SPATA1: variants seen among roughly 807,000 people sequenced by gnomAD.
The protein encoded by SPATA1 is spermatogenesis associated 1, also known as spermatogenesis-associated protein 1.
Under a neutral mutation model 59.6 loss-of-function variants are expected in SPATA1, and 57 were observed. The ratio of observed to expected loss-of-function variants is 0.96; its 90% CI spans 0.77 to 1.19. SPATA1 has a LOEUF of 1.19. SPATA1 is among the 50% of genes most tolerant of loss of function. The pLI is 0.00. For synonymous variants in SPATA1, 147 were observed against 163.9 expected, an observed-to-expected ratio of 0.90 and a Z score of 0.79; for missense variants, 448 against 480.7, an observed-to-expected ratio of 0.93 and a Z score of 0.64.
chr1:84,548,931 A>C (rs1381884275), exon 11 of SPATA1: 1 of 1,594,146 alleles, frequency 6.3e-7, no homozygotes, highest in Non-Finnish European at 8.5e-7. Flanking sequence ...TCAAGATGAG[A>C]CCAAAGAATC....
chr1:84,557,548 A>G (rs1235632976), downstream of SPATA1, among the ~76,000 whole-genome samples: 55 of 137,468 alleles, frequency 4.0e-4, no homozygotes, highest in East Asian at 1.2e-3. Flanking sequence ...AAAAAAAAAA[A>G]AAAAAGAAAA....
chr1:84,509,400 G>A (rs1381152449), intron 1 of SPATA1, among the ~76,000 whole-genome samples: 3 of 152,172 alleles, frequency 2.0e-5, no homozygotes, highest in Non-Finnish European at 4.4e-5. Flanking sequence ...CTCTCTCCTC[G>A]TATACCAAAA....
At chr1:84,552,965 C>T (rs17099163) in intron 12 of SPATA1, 43,511 of 1,047,774 alleles carry the variant, frequency 0.042, 2,303 homozygotes, top group African/African-American at 0.23. Flanking sequence ...ACCCTGTTTA[C>T]ATGACAACTA....
chr1:84,513,911 G>C (rs1003386909), intron 1 of SPATA1, among the ~76,000 whole-genome samples: 3 of 144,788 alleles, frequency 2.1e-5, no homozygotes, highest in Non-Finnish European at 3.0e-5. Context: ...GCACGATCTC[G>C]GCTCACTGCA....
Position 84,525,940 on chromosome 1 carries a change from T to C in SPATA1, c.411T>C (p.Asn137=), listed in dbSNP as rs770275825. ...TTATTTTAGATGAGCGGCAGACTAA[T>C]AATGGTGTTAATGAGGCTGATGGAA... Residue 137 remains asparagine, a synonymous_variant, in exon 6 of 13, where the codon AAT becomes AAC. Coordinates refer to ENST00000490879, the Ensembl canonical transcript of SPATA1. The C allele has an allele frequency of 6.8e-6, 11 of 1,613,704 alleles. No individual in the cohort carries two copies. In the Admixed American group the frequency reaches 1.8e-4, roughly 27 times the overall value.
At chr1:84,566,663 T>C (rs1251178520), downstream of SPATA1, among the ~76,000 whole-genome samples, 1 of 152,198 alleles carries the variant, frequency 6.6e-6, no homozygotes. Context: ...GATGGAGTCT[T>C]GCTCTGTCAC....
intron 1 of SPATA1, among the ~76,000 whole-genome samples, chr1:84,508,140 G>C (rs564863930): frequency 3.3e-5 from 5 of 152,222 alleles, no homozygotes; most frequent in African/African-American, 1.2e-4. Flanking sequence ...TTAGCTGGGC[G>C]TGGTGGTGCG....
downstream of SPATA1, chr1:84,554,677 C>A: frequency 5.1e-6 from 1 of 195,098 alleles, no homozygotes; most frequent in Non-Finnish European, 1.1e-5. Flanking sequence ...AGCATTGATT[C>A]GTGAGCATAT....
chr1:84,550,909 T>C (rs191803541), intron 12 of SPATA1: 22 of 978,180 alleles, frequency 2.2e-5, no homozygotes, highest in Middle Eastern at 5.3e-4. Context: ...GGTAATCGTT[T>C]CATTTTTTCT....
At chr1:84,519,147 A>G (rs527951381) in intron 2 of SPATA1, among the ~76,000 whole-genome samples, 2 of 152,158 alleles carry the variant, frequency 1.3e-5, no homozygotes, top group African/African-American at 2.4e-5. Flanking sequence ...CAAGATATCC[A>G]TATTTTAAAT....
exon 6 of SPATA1, chr1:84,525,929 C>G: frequency 6.2e-7 from 1 of 1,613,646 alleles, no homozygotes; most frequent in African/African-American, 1.3e-5. Context: ...TTTAGATGAG[C>G]GGCAGACTAA....
At chr1:84,545,311 T>C (rs1244872905) in intron 9 of SPATA1, among the ~76,000 whole-genome samples, 1 of 151,162 alleles carries the variant, frequency 6.6e-6, no homozygotes, top group Admixed American at 6.6e-5. Flanking sequence ...TACAATAATT[T>C]TGAATCCCAG....
intron 9 of SPATA1, among the ~76,000 whole-genome samples, chr1:84,544,681 C>T (rs1684026687): frequency 6.6e-6 from 1 of 151,956 alleles, no homozygotes. Flanking sequence ...CAGCCTCAGC[C>T]TCCCGAGTAG....
At position 84,512,125 on chromosome 1, in the gene SPATA1, C is replaced by G. The variant is rs568624907; in HGVS notation, c.-137-4098C>G. On this transcript the variant is annotated intron_variant, in intron 1 of 12. Coordinates refer to ENST00000490879, the Ensembl canonical transcript of SPATA1. ...TCTGAATTTATCCTGATCAGATAGA[C>G]TTCACGCCTTGGTGATTTAAGAATC... is the stretch of plus-strand genomic sequence containing the variant. Among the ~76,000 whole-genome samples, 102 of 152,336 alleles carry G rather than the reference C, an allele frequency of 6.7e-4. 4 individuals are homozygous for G. Among genetic ancestry groups the G allele is most frequent in the African/African-American group, 2.2e-3 (93 of 41,574 alleles).
intron 10 of SPATA1, among the ~76,000 whole-genome samples, chr1:84,547,295 G>A (rs535947013): frequency 2.7e-4 from 41 of 152,206 alleles, no homozygotes; most frequent in African/African-American, 9.9e-4. Context: ...CACCCTTTCT[G>A]TTTATGAAAT....
At chr1:84,543,423 C>G (rs1259347449) in intron 8 of SPATA1, among the ~76,000 whole-genome samples, 1 of 152,032 alleles carries the variant, frequency 6.6e-6, no homozygotes, top group African/African-American at 2.4e-5. Flanking sequence ...GCAGGCTGTA[C>G]AGGAAGCATG....
downstream of SPATA1, among the ~76,000 whole-genome samples, chr1:84,557,727 G>A (rs1425591123): frequency 2.0e-5 from 3 of 150,760 alleles, no homozygotes; most frequent in African/African-American, 7.3e-5. Flanking sequence ...GCTTGGTGGC[G>A]GGCACCTGTA....
Position 84,551,358 on chromosome 1 carries a change from C to T in SPATA1, c.1224+828C>T, listed in dbSNP as rs943959592. 2.0e-5 allele frequency: 16 copies of T among 809,012 alleles called. No homozygotes were observed. The Admixed American group carries it at 6.3e-4, about 32-fold the overall frequency. 50.1% of individuals were successfully genotyped at this position (809,012 alleles called of 1,614,324 possible). A position where few individuals can be genotyped will look rare whatever the true frequency, so the allele number is the denominator to read the frequency against. On this transcript the variant is annotated intron_variant, in intron 12 of 12. Coordinates refer to ENST00000490879, the Ensembl canonical transcript of SPATA1. ...AGAAAATCAGTACTGTCCTCGGTTT[C>T]AGATAAAAATAAAAATAAATAAAAT...
intron 3 of SPATA1, among the ~76,000 whole-genome samples, chr1:84,521,186 C>T (rs72948483): frequency 0.069 from 9,138 of 132,350 alleles, 322 homozygotes; most frequent in South Asian, 0.088. Flanking sequence ...GAAAGAAGAA[C>T]GGAAGGAAGG....
Sources: gnomAD v4.1 joint callset for allele counts (sites outside exome capture counted in the v4.1 genomes callset) on GRCh38, gnomAD v4.1.1 for gene constraint, MANE v1.5 for transcripts, NCBI Gene and HGNC (gene_info 2026-07-23, HGNC 2026-07-21) for gene names.